ASIC2: variants seen among roughly 807,000 people sequenced by gnomAD.
ASIC2 encodes acid sensing ion channel subunit 2.
In ASIC2, 25 loss-of-function variants were observed where a neutral mutation model predicts 57.3. That is an observed-to-expected ratio of 0.44 (90% CI 0.32 to 0.61). ASIC2 has a LOEUF of 0.61. ASIC2 is among the 20% of genes least tolerant of loss of function. The pLI is 0.06. For missense variants in ASIC2, 641 were observed against 738.1 expected (o/e 0.87, Z 1.52); for synonymous variants, 319 against 307.5 (o/e 1.04, Z -0.39).
chr17:33,281,462 T>C (rs967550846), intron 1 of ASIC2, among the ~76,000 whole-genome samples: 4 of 152,228 alleles, frequency 2.6e-5, no homozygotes, highest in Non-Finnish European at 2.9e-5. Flanking sequence ...AGGAACAGTT[T>C]CTGTATTTAC....
chr17:33,761,808 C>A (rs1166345438), intron 1 of ASIC2, among the ~76,000 whole-genome samples: 2 of 151,470 alleles, frequency 1.3e-5, no homozygotes, highest in East Asian at 3.9e-4. Flanking sequence ...TGTTTCAAAA[C>A]CCACCTAAGA....
intron 1 of ASIC2, among the ~76,000 whole-genome samples, chr17:33,221,223 C>G (rs992019694): frequency 6.6e-6 from 1 of 152,196 alleles, no homozygotes; most frequent in East Asian, 1.9e-4. Flanking sequence ...CTTTCCCACT[C>G]TGGGTTTCTG....
At chr17:33,997,614 G>A (rs185245179) in intron 1 of ASIC2, among the ~76,000 whole-genome samples, 91 of 152,012 alleles carry the variant, frequency 6.0e-4, no homozygotes, top group African/African-American at 2.0e-3. Flanking sequence ...TGCTTTTTCC[G>A]CATCTATTGA....
Position 33,292,514 on chromosome 17 carries a change from C to T in ASIC2, c.-399G>A. The T allele has an allele frequency of 1.0e-6, 1 of 985,932 alleles. No homozygotes were observed. The highest frequency in any genetic ancestry group is 1.2e-6 in the Non-Finnish European group (1 of 830,408). 61.1% of individuals were successfully genotyped at this position (985,932 alleles called of 1,614,324 possible). On this transcript the variant is annotated 5_prime_UTR_variant, in exon 1 of 10. Coordinates refer to ENST00000225823, the MANE Select transcript of ASIC2 (RefSeq NM_183377.2). Reference sequence around the variant, plus strand: ...TCCTGGACCTCGGGGGACCCTGAGCCGAGTCCCCCCTGCCCCGCCTAACCC... The same window carrying T: ...TCCTGGACCTCGGGGGACCCTGAGCTGAGTCCCCCCTGCCCCGCCTAACCC...
chr17:33,033,275 C>A (rs759799498), intron 3 of ASIC2, among the ~76,000 whole-genome samples: 1 of 152,172 alleles, frequency 6.6e-6, no homozygotes, highest in Non-Finnish European at 1.5e-5. Context: ...GGGCTACAGC[C>A]GCCCAAACTG....
intron 1 of ASIC2, among the ~76,000 whole-genome samples, chr17:33,264,282 T>C (rs1165718038): frequency 6.6e-6 from 1 of 152,230 alleles, no homozygotes; most frequent in Non-Finnish European, 1.5e-5. Flanking sequence ...TAGAGATGAA[T>C]GCTATGGCCC....
chr17:33,365,676 C>T (rs1183418297), intron 1 of ASIC2, among the ~76,000 whole-genome samples: 2 of 152,074 alleles, frequency 1.3e-5, no homozygotes, highest in African/African-American at 4.8e-5. Flanking sequence ...ACTTCTTCTT[C>T]CTGGCCATTA....
chr17:33,484,974 G>A (rs1383055883), intron 1 of ASIC2, among the ~76,000 whole-genome samples: 1 of 152,238 alleles, frequency 6.6e-6, no homozygotes, highest in Non-Finnish European at 1.5e-5. Context: ...CTCTGCAGGA[G>A]CAATCATGGA....
rs1319892518 is a variant in ASIC2, at chr17:33,068,564, C to CAAAACAAAACA, written c.987+20298_987+20299insTGTTTTGTTTT. On this transcript the variant is annotated intron_variant, in intron 3 of 9. Transcript: ENST00000225823. The stretch of plus-strand genomic sequence containing the variant: ...CAAAACAAAACAAAACAAAACAAAA[C>CAAAACAAAACA]AAACCCAAAATAAGTGATTGTGAAT... 5.9e-4 allele frequency among the ~76,000 whole-genome samples: 89 copies of CAAAACAAAACA among 151,716 alleles called. 1 individual carries two copies. The highest frequency in any genetic ancestry group is 2.1e-3 in the African/African-American group (88 of 41,114).
rs140328004 is a variant in ASIC2, at chr17:33,869,507, G to T, written c.555+286471C>A. 2.9e-3 allele frequency among the ~76,000 whole-genome samples: 442 copies of T among 152,278 alleles called. 5 individuals carry two copies. Among genetic ancestry groups the T allele is most frequent in the African/African-American group, 0.01 (420 of 41,550 alleles). On this transcript the variant is annotated intron_variant, in intron 1 of 9. Transcript: ENST00000359872. ...ACAATCTAAATGTCCATCAGCTGATGAATGAATAAATTAAATGTGGTATAC... is the reference window on the plus strand; with the variant it reads ...ACAATCTAAATGTCCATCAGCTGATTAATGAATAAATTAAATGTGGTATAC...
At chr17:33,278,813 C>T (rs960454835) in intron 1 of ASIC2, among the ~76,000 whole-genome samples, 5 of 151,792 alleles carry the variant, frequency 3.3e-5, no homozygotes, top group Non-Finnish European at 7.4e-5. Context: ...AATATTCAGA[C>T]AGGGAACTTG....
At chr17:33,014,132 C>T (rs979019871) in intron 9 of ASIC2, 66 bp from the exon 10 acceptor site, 7 of 1,297,102 alleles carry the variant, frequency 5.4e-6, no homozygotes, top group South Asian at 2.5e-5. Flanking sequence ...ATGCCACCAG[C>T]GGCCCAGCCT....
At chr17:33,617,178 A>C (rs1049986049) in intron 1 of ASIC2, among the ~76,000 whole-genome samples, 6 of 152,246 alleles carry the variant, frequency 3.9e-5, no homozygotes, top group Non-Finnish European at 7.3e-5. Context: ...GCCCAAAGAA[A>C]TATTAATTGT....
intron 1 of ASIC2, among the ~76,000 whole-genome samples, chr17:34,057,064 CTATT>C (rs1340704342): frequency 1.3e-5 from 2 of 152,198 alleles, no homozygotes; most frequent in Non-Finnish European, 2.9e-5. Context: ...ATAAAACTAT[CTATT>C]CATTCATTTA....
intron 1 of ASIC2, among the ~76,000 whole-genome samples, chr17:33,666,941 G>A (rs1907493396): frequency 6.6e-6 from 1 of 152,138 alleles, no homozygotes; most frequent in South Asian, 2.1e-4. Flanking sequence ...TACAATATTT[G>A]GGAAATCCTT....
intron 3 of ASIC2, among the ~76,000 whole-genome samples, chr17:33,062,421 A>C (rs55884860): frequency 0.44 from 67,021 of 152,018 alleles, 15,600 homozygotes; most frequent in East Asian, 0.65. Flanking sequence ...CGTTATGTAC[A>C]CAGTAGTCAT....
intron 1 of ASIC2, among the ~76,000 whole-genome samples, chr17:33,240,302 A>G (rs950702134): frequency 1.2e-4 from 19 of 152,066 alleles, no homozygotes; most frequent in African/African-American, 4.1e-4. Flanking sequence ...AGCTTCACAC[A>G]TCAGACCTGT....
rs1242473734 is a variant in ASIC2, at chr17:33,213,236, A to G, written c.708+78172T>C. ...GATTTCTCTGGCTGCCAGGGCCAGG[A>G]GGTGGGCATAGACTGGTCCTAAGAA... On this transcript the variant is annotated intron_variant, in intron 1 of 9. Coordinates refer to ENST00000225823, the MANE Select transcript of ASIC2 (RefSeq NM_183377.2). 2.0e-5 allele frequency among the ~76,000 whole-genome samples: 3 copies of G among 152,202 alleles called. No individual in the cohort carries two copies. The South Asian group carries it at 6.2e-4, about 32-fold the overall frequency.
At chr17:33,707,623 A>G (rs1055908350) in intron 1 of ASIC2, among the ~76,000 whole-genome samples, 4 of 152,166 alleles carry the variant, frequency 2.6e-5, no homozygotes, top group African/African-American at 4.8e-5. Flanking sequence ...GAGAATGTAA[A>G]TTGGAGAGTT....
Sources: gnomAD v4.1 joint callset for allele counts (sites outside exome capture counted in the v4.1 genomes callset) on GRCh38, gnomAD v4.1.1 for gene constraint, MANE v1.5 for transcripts, NCBI Gene and HGNC (gene_info 2026-07-23, HGNC 2026-07-21) for gene names.